The following MED13L variants were observed in gnomAD, a reference collection of about 807,000 sequenced individuals.
The protein encoded by MED13L is mediator complex subunit 13L.
MED13L carries 7 observed loss-of-function variants against 220.9 expected under a neutral mutation model. The observed-to-expected ratio is 0.03, with a 90% confidence interval of 0.02 to 0.06. The LOEUF (loss-of-function observed/expected upper bound fraction) is 0.06. MED13L is among the 10% of genes least tolerant of loss of function. The pLI is 1.00. For missense variants in MED13L, 1,965 were observed against 2,760.5 expected, an observed-to-expected ratio of 0.71 and a Z score of 6.46; for synonymous variants, 1,011 against 1,015.2, an observed-to-expected ratio of 1.00 and a Z score of 0.08.
intron 2 of MED13L, among the ~76,000 whole-genome samples, chr12:116,124,647 T>A (rs1465215728): frequency 1.3e-5 from 2 of 152,200 alleles, no homozygotes; most frequent in Non-Finnish European, 2.9e-5. Context: ...GAATGTAGAA[T>A]AATTAGATCA....
chr12:116,237,822 T>A, intron 1 of MED13L, 117 bp from the exon 2 acceptor site: 1 of 894,556 alleles, frequency 1.1e-6, no homozygotes, highest in Admixed American at 1.9e-5. Context: ...AAACTTCATA[T>A]CATAAGATTC....
At chr12:116,152,981 G>C (rs1337094505) in intron 2 of MED13L, among the ~76,000 whole-genome samples, 1 of 151,920 alleles carries the variant, frequency 6.6e-6, no homozygotes, top group Non-Finnish European at 1.5e-5. Context: ...GTGAGATCTG[G>C]AGTCCAGTCC....
chr12:116,232,588 A>T (rs1338790045), intron 2 of MED13L, among the ~76,000 whole-genome samples: 1 of 152,244 alleles, frequency 6.6e-6, no homozygotes, highest in Non-Finnish European at 1.5e-5. Flanking sequence ...AATACGTTTC[A>T]TTAACTGATT....
intron 5 of MED13L, among the ~76,000 whole-genome samples, chr12:116,020,881 T>C (rs1880020443): frequency 6.6e-6 from 1 of 152,152 alleles, no homozygotes; most frequent in East Asian, 1.9e-4. Flanking sequence ...ATGTCTTTTT[T>C]TTAATTTTTT....
intron 1 of MED13L, among the ~76,000 whole-genome samples, chr12:116,253,093 C>T (rs927465565): frequency 1.1e-4 from 16 of 150,572 alleles, no homozygotes; most frequent in African/African-American, 3.9e-4. Context: ...GAAACCCCGT[C>T]TGTACTAAAA....
chr12:116,217,178 A>T (rs570732589), intron 2 of MED13L, among the ~76,000 whole-genome samples: 2 of 152,172 alleles, frequency 1.3e-5, no homozygotes, highest in Non-Finnish European at 2.9e-5. Context: ...AGCATGACAC[A>T]TGAGCATGAC....
At chr12:116,244,681 T>C (rs549625046) in intron 1 of MED13L, among the ~76,000 whole-genome samples, 2 of 152,246 alleles carry the variant, frequency 1.3e-5, no homozygotes, top group Non-Finnish European at 2.9e-5. Context: ...CTGGGTGCAG[T>C]GGCTCACGCC....
intron 2 of MED13L, among the ~76,000 whole-genome samples, chr12:116,132,567 C>CT (rs139686022): frequency 3.6e-4 from 53 of 148,644 alleles, no homozygotes; most frequent in African/African-American, 1.0e-3. Context: ...TTTCTACTTG[C>CT]TTTTTTTTTT....
At chr12:116,133,076 A>G (rs1228083084) in intron 2 of MED13L, among the ~76,000 whole-genome samples, 1 of 152,242 alleles carries the variant, frequency 6.6e-6, no homozygotes, top group African/African-American at 2.4e-5. Flanking sequence ...TTTACTACTG[A>G]TAACACCAGG....
At chr12:116,180,183 C>T (rs1880415501) in intron 2 of MED13L, among the ~76,000 whole-genome samples, 1 of 152,164 alleles carries the variant, frequency 6.6e-6, no homozygotes, top group South Asian at 2.1e-4. Context: ...ACGCTGAACA[C>T]CCTACAATAC....
rs185497436 is a variant in MED13L, at chr12:116,047,787, G to A, written c.480-25186C>T. Among the ~76,000 whole-genome samples, 14 of 152,252 alleles carry A rather than the reference G, an allele frequency of 9.2e-5. No individual in the cohort carries two copies. In the East Asian group the frequency reaches 2.5e-3, roughly 27 times the overall value. On this transcript the variant is annotated intron_variant, in intron 4 of 30. Coordinates refer to ENST00000281928, the MANE Select transcript of MED13L (RefSeq NM_015335.5). The stretch of plus-strand genomic sequence containing the variant: ...ACTCACTACAAGAAGTTTTGCCCAT[G>A]TTCTACTGCCACATAACCTGTATAT...
chr12:116,183,771 C>T (rs185056292), intron 2 of MED13L, among the ~76,000 whole-genome samples: 5 of 151,028 alleles, frequency 3.3e-5, no homozygotes, highest in Admixed American at 2.6e-4. Context: ...CAGATTATTT[C>T]CCTGAGTCAT....
intron 3 of MED13L, among the ~76,000 whole-genome samples, chr12:116,106,845 CAAAAAAAAAAGGGAAA>C (rs1873623411): frequency 1.9e-5 from 2 of 103,530 alleles, no homozygotes; most frequent in African/African-American, 7.5e-5. Context: ...GACTCTGTCT[CAAAAAAAAAAGGGAAA>C]AAAAAAAAAA....
chr12:116,138,769 A>G (rs1045101469), intron 2 of MED13L, among the ~76,000 whole-genome samples: 5 of 152,218 alleles, frequency 3.3e-5, no homozygotes, highest in Non-Finnish European at 7.3e-5. Context: ...ATTCTGCAGC[A>G]TTTTTTGTTT....
Position 116,025,776 on chromosome 12 carries a change from T to A in MED13L, c.480-3175A>T, listed in dbSNP as rs184059551. ...AGCCAACAGTTACAGTTAGAAACAA[T>A]AAGTTCTAGTATTCTATTGCACAGT... On this transcript the variant is annotated intron_variant, in intron 4 of 30. Coordinates refer to ENST00000281928, the MANE Select transcript of MED13L (RefSeq NM_015335.5). Among the ~76,000 whole-genome samples the A allele has an allele frequency of 3.0e-4, 46 of 152,266 alleles. 2 individuals carry two copies. The highest frequency in any genetic ancestry group is 2.7e-3 in the Admixed American group (42 of 15,298).
At chr12:116,161,840 T>A (rs749414876) in intron 2 of MED13L, among the ~76,000 whole-genome samples, 6 of 152,126 alleles carry the variant, frequency 3.9e-5, no homozygotes, top group Non-Finnish European at 8.8e-5. Flanking sequence ...ACCTAACCAC[T>A]CCCCTCATCA....
intron 4 of MED13L, among the ~76,000 whole-genome samples, chr12:116,026,202 G>A (rs1880383665): frequency 6.6e-6 from 1 of 152,092 alleles, no homozygotes; most frequent in Non-Finnish European, 1.5e-5. Flanking sequence ...CAAAATAACA[G>A]GCAGTTAATT....
At chr12:115,984,521 A>T in intron 19 of MED13L, 149 bp from the exon 20 acceptor site, 3 of 846,654 alleles carry the variant, frequency 3.5e-6, no homozygotes, top group Non-Finnish European at 5.5e-6. Flanking sequence ...CAACATTACA[A>T]GTTGGTCCTT....
intron 2 of MED13L, among the ~76,000 whole-genome samples, chr12:116,145,133 CAG>C (rs1398929174): frequency 6.6e-6 from 1 of 152,228 alleles, no homozygotes; most frequent in Admixed American, 6.5e-5. Context: ...TCATACCAAA[CAG>C]GGTAGCGAAA....
Sources: gnomAD v4.1 joint callset for allele counts (sites outside exome capture counted in the v4.1 genomes callset) on GRCh38, gnomAD v4.1.1 for gene constraint, MANE v1.5 for transcripts, NCBI Gene and HGNC (gene_info 2026-07-23, HGNC 2026-07-21) for gene names.